ASB15: variants seen among roughly 807,000 people sequenced by gnomAD.
ASB15 encodes ankyrin repeat and SOCS box protein 15.
A neutral mutation model predicts 58.0 loss-of-function variants in ASB15; 54 were observed. The observed-to-expected ratio is 0.93, with a 90% confidence interval of 0.75 to 1.17. ASB15 has a LOEUF of 1.17. Among genes scored for constraint, ASB15 ranks in the 50% most tolerant of loss-of-function variants. The pLI, the probability that ASB15 is intolerant of heterozygous loss-of-function variation, is 0.00. For missense variants in ASB15, 680 were observed against 707.4 expected (o/e 0.96, Z 0.44); for synonymous variants, 249 against 262.4 (o/e 0.95, Z 0.50).
At chr7:123,635,841 T>C (rs1802400033) in intron 11 of ASB15, among the ~76,000 whole-genome samples, 1 of 152,056 alleles carries the variant, frequency 6.6e-6, no homozygotes. Flanking sequence ...TTTGCTTATT[T>C]TGGTAATGTT....
rs374693399 is a variant in ASB15 at position 123,623,939 on chromosome 7, GA to G, written c.452-627del. 1.3e-4 allele frequency among the ~76,000 whole-genome samples: 2 copies of G among 15,604 alleles called. 1 individual carries two copies. The highest frequency in any genetic ancestry group is 1.2e-3 in the Admixed American group (2 of 1,700). The allele number at this position is 15,604 out of a possible 152,430, so 10.2% of individuals were successfully genotyped here. A position where few individuals can be genotyped will look rare whatever the true frequency, so the allele number is the denominator to read the frequency against. ...GGAAGGAAGAAAGAAAGAAAAGAAA[GA>G]AAGAAAGAAAGAAAGAAAGAAAGAA... is the stretch of plus-strand genomic sequence containing the variant. On this transcript the variant is annotated intron_variant, in intron 7 of 11. Coordinates refer to ENST00000451215, the MANE Select transcript of ASB15 (RefSeq NM_001290258.2).
At chr7:123,601,134 G>T (rs746865632), upstream of ASB15, among the ~76,000 whole-genome samples, 12 of 152,132 alleles carry the variant, frequency 7.9e-5, no homozygotes, top group Non-Finnish European at 1.5e-4. Context: ...GGATAGCTGT[G>T]TCAAAACAAA....
chr7:123,627,146 C>T lies in ASB15; in HGVS notation c.734C>T (p.Ser245Leu), dbSNP rs73718440. The T allele has an allele frequency of 1.3e-3, 2,078 of 1,613,704 alleles. 32 individuals carry two copies. In the African/African-American group the frequency reaches 0.025, roughly 20 times the overall value. Residue 245 changes from serine (S) to leucine (L), a missense_variant, in exon 9 of 12, where the codon TCG becomes TTG. By Grantham distance (145) the Ser-to-Leu change is moderately radical. Coordinates refer to ENST00000451215, the MANE Select transcript of ASB15 (RefSeq NM_001290258.2). Reference sequence around the variant, plus strand: ...CTTGCTTTGGCGGATGATGGGGCGTCGGTGCTGTTTGAGGCAGCAGGAGGT... The same window carrying T: ...CTTGCTTTGGCGGATGATGGGGCGTTGGTGCTGTTTGAGGCAGCAGGAGGT... Reference protein sequence around the residue: ...DVLALADDGASVLFEAAGGGN... With the variant: ...DVLALADDGALVLFEAAGGGN...
chr7:123,599,335 A>AT (rs557307250), upstream of ASB15, among the ~76,000 whole-genome samples: 168 of 152,340 alleles, frequency 1.1e-3, no homozygotes, highest in Admixed American at 0.01. Context: ...GAACAACACC[A>AT]TTTTTTGTAG....
At chr7:123,619,381 A>G (rs1584790207) in intron 7 of ASB15, among the ~76,000 whole-genome samples, 1 of 152,212 alleles carries the variant, frequency 6.6e-6, no homozygotes, top group East Asian at 1.9e-4. Flanking sequence ...AAAAAGCAGT[A>G]AATCTGTAAA....
chr7:123,619,637 C>T (rs1370177326), intron 7 of ASB15, among the ~76,000 whole-genome samples: 4 of 152,154 alleles, frequency 2.6e-5, no homozygotes, highest in African/African-American at 9.7e-5. Flanking sequence ...CATTCTGCTG[C>T]CTCAGCCTCC....
intron 1 of ASB15, among the ~76,000 whole-genome samples, chr7:123,591,973 C>T (rs892178054): frequency 6.6e-6 from 1 of 152,122 alleles, no homozygotes; most frequent in Admixed American, 6.5e-5. Flanking sequence ...GCCTCAATTT[C>T]AGGACCTGTT....
At position 123,629,992 on chromosome 7, in the gene ASB15, G is replaced by A. The variant is rs562353570; in HGVS notation, c.1467G>A (p.Trp489Ter). The A allele has an allele frequency of 2.5e-6, 4 of 1,596,074 alleles. No individual in the cohort carries two copies. The African/African-American group carries it at 5.4e-5, about 21-fold the overall frequency. ...NPFCEFITVPWMKHLVGRVTR... is the reference protein window; with the variant it reads ...NPFCEFITVP ...TCTGTGAGTTTATTACAGTTCCTTG[G>A]ATGAAGCACTTGGTAGGCAGAGTTA... The change falls in exon 11 of 12, where the codon TGG (tryptophan) becomes TGA (stop). Residue 489 changes from tryptophan to a stop codon, truncating the protein, a stop_gained. Transcript: ENST00000451215. LOFTEE classifies it high-confidence loss of function.
intron 1 of ASB15, among the ~76,000 whole-genome samples, chr7:123,589,790 G>A (rs1799482793): frequency 6.6e-6 from 1 of 152,128 alleles, no homozygotes; most frequent in African/African-American, 2.4e-5. Context: ...ATGTGTGCAT[G>A]TGTCTTTATA....
At chr7:123,630,221 A>G in intron 11 of ASB15, 102 bp downstream of exon 11, 4 of 806,736 alleles carry the variant, frequency 5.0e-6, no homozygotes, top group Non-Finnish European at 5.5e-6. Context: ...ACTCTACTGT[A>G]TTTCCAGAAT....
intron 1 of ASB15, among the ~76,000 whole-genome samples, chr7:123,569,076 C>T (rs1798834576): frequency 6.6e-6 from 1 of 152,036 alleles, no homozygotes; most frequent in South Asian, 2.1e-4. Flanking sequence ...TTTATTAAGC[C>T]AAAGTCTATT....
intron 1 of ASB15, among the ~76,000 whole-genome samples, chr7:123,584,532 C>T (rs146380055): frequency 3.1e-3 from 475 of 151,950 alleles, no homozygotes; most frequent in African/African-American, 0.011. Flanking sequence ...TAGAATCTAT[C>T]TTTTCTCCCT....
intron 3 of ASB15, among the ~76,000 whole-genome samples, chr7:123,608,856 G>A (rs1037018669): frequency 5.3e-5 from 8 of 150,084 alleles, no homozygotes; most frequent in Non-Finnish European, 8.8e-5. Context: ...TAACAGAATT[G>A]TATTTATATT....
chr7:123,605,997 T>A (rs1307237748), intron 2 of ASB15, among the ~76,000 whole-genome samples: 2 of 151,952 alleles, frequency 1.3e-5, no homozygotes, highest in South Asian at 2.1e-4. Context: ...AAATGAAAGT[T>A]AAAAAAAATA....
At chr7:123,624,373 TC>T (rs1285466461) in intron 7 of ASB15, among the ~76,000 whole-genome samples, 195 bp from the exon 8 acceptor site, 1 of 152,188 alleles carries the variant, frequency 6.6e-6, no homozygotes, top group African/African-American at 2.4e-5. Flanking sequence ...GGTAGTGTCA[TC>T]TTGTAAACTT....
chr7:123,571,783 T>A (rs1798913838), intron 1 of ASB15, among the ~76,000 whole-genome samples: 2 of 152,186 alleles, frequency 1.3e-5, no homozygotes, highest in Admixed American at 1.3e-4. Flanking sequence ...ATAGTCCCAC[T>A]TGTCTATTTT....
chr7:123,569,734 A>G (rs574242937), intron 1 of ASB15, among the ~76,000 whole-genome samples: 35 of 152,338 alleles, frequency 2.3e-4, no homozygotes, highest in Admixed American at 2.2e-3. Flanking sequence ...TGGAATTTAC[A>G]TATCTTAAAT....
rs1280329291 is a variant in ASB15 at position 123,629,982 on chromosome 7, C to T, written c.1457C>T (p.Thr486Ile). 1 of 1,588,246 alleles carries T rather than the reference C, an allele frequency of 6.3e-7. No individual in the cohort carries two copies. Among genetic ancestry groups the T allele is most frequent in the Non-Finnish European group, 8.6e-7 (1 of 1,161,736 alleles). ...TTCTCTCAGTTCTGTGAGTTTATTA[C>T]AGTTCCTTGGATGAAGCACTTGGTA... ...IKDNPFCEFITVPWMKHLVGR... is the reference protein window; with the variant it reads ...IKDNPFCEFIIVPWMKHLVGR... The change falls in exon 11 of 12, where the codon ACA becomes ATA. Residue 486 changes from threonine to isoleucine, a missense_variant. Physicochemically the swap from Thr to Ile is moderately conservative, Grantham distance 89 (BLOSUM62 -1). Coordinates refer to ENST00000451215, the MANE Select transcript of ASB15 (RefSeq NM_001290258.2).
At chr7:123,612,554 G>A (rs918793526) in intron 3 of ASB15, among the ~76,000 whole-genome samples, 1 of 152,156 alleles carries the variant, frequency 6.6e-6, no homozygotes, top group Admixed American at 6.6e-5. Context: ...AATGTCTTGT[G>A]CCAGCCTTAA....
Sources: allele counts gnomAD v4.1 joint callset (sites outside exome capture counted in the v4.1 genomes callset), GRCh38; gene constraint gnomAD v4.1.1; transcripts MANE v1.5; gene names NCBI Gene and HGNC (gene_info 2026-07-23, HGNC 2026-07-21).